OR8G1: variants seen among roughly 807,000 people sequenced by gnomAD.
OR8G1 encodes olfactory receptor 8G1.
For missense variants in OR8G1, 372 were observed against 356.2 expected (o/e 1.04, Z -0.36); for synonymous variants, 129 against 133.3 (o/e 0.97, Z 0.22).
intron 1 of OR8G1, among the ~76,000 whole-genome samples, chr11:124,243,503 A>G (rs1162252289): frequency 6.6e-6 from 1 of 151,988 alleles, no homozygotes; most frequent in Non-Finnish European, 1.5e-5. Flanking sequence ...TAATTGACAC[A>G]TCATCCCTTA....
intron 1 of OR8G1, among the ~76,000 whole-genome samples, chr11:124,242,953 T>C (rs1489009000): frequency 6.6e-6 from 1 of 152,002 alleles, no homozygotes; most frequent in Non-Finnish European, 1.5e-5. Flanking sequence ...AGGGTGTGTG[T>C]AGACCATACC....
intron 2 of OR8G1, among the ~76,000 whole-genome samples, chr11:124,249,328 G>A (rs2512238): frequency 6.6e-6 from 1 of 151,680 alleles, no homozygotes; most frequent in East Asian, 1.9e-4. Flanking sequence ...TCTCCAAGTT[G>A]TCATGAGTTC....
rs4323881 is a variant in OR8G1 at position 124,245,283 on chromosome 11, C to T, written c.-96-2518C>T. ...TGCGGTGTTTGGTTTTTTGTTCTTG[C>T]GATAGTTTACTAAGAATGATGATTT... On this transcript the variant is annotated intron_variant, in intron 1 of 2. Transcript: ENST00000641972. Among the ~76,000 whole-genome samples the T allele has an allele frequency of 8.6e-3, 1,172 of 135,874 alleles. 6 individuals carry two copies. Among genetic ancestry groups the T allele is most frequent in the African/African-American group, 0.016 (579 of 35,558 alleles). The allele number at this position is 135,874 out of a possible 152,430, so 89.1% of individuals were successfully genotyped here.
chr11:124,248,384 G>A (rs886361911), intron 2 of OR8G1, among the ~76,000 whole-genome samples: 1 of 151,030 alleles, frequency 6.6e-6, no homozygotes, highest in African/African-American at 2.4e-5. Context: ...GTTTGCTTTG[G>A]GTTTTGTTTA....
chr11:124,242,386 C>T (rs1861769661), intron 1 of OR8G1, among the ~76,000 whole-genome samples: 1 of 152,016 alleles, frequency 6.6e-6, no homozygotes, highest in Non-Finnish European at 1.5e-5. Flanking sequence ...ATGGTGCTTT[C>T]TAACCTCATG....
chr11:124,249,322 C>CA (rs1861840400), intron 2 of OR8G1, among the ~76,000 whole-genome samples: 3 of 151,896 alleles, frequency 2.0e-5, no homozygotes, highest in Non-Finnish European at 4.4e-5. Context: ...TTGTTCTCTC[C>CA]AAGTTGTCAT....
At chr11:124,241,454 A>G (rs1861759581) in intron 1 of OR8G1, 90 bp downstream of exon 1, 1 of 152,116 alleles carries the variant, frequency 6.6e-6, no homozygotes, top group African/African-American at 2.4e-5. Context: ...ATTCCTCATT[A>G]TCTTTACTTA....
At chr11:124,244,069 AGG>A (rs1861787773) in intron 1 of OR8G1, among the ~76,000 whole-genome samples, 2 of 143,884 alleles carry the variant, frequency 1.4e-5, no homozygotes, top group Non-Finnish European at 3.1e-5. Context: ...AAGGATGGAG[AGG>A]GAGAGAGAGA....
rs1203607084 is a variant in OR8G1, at chr11:124,254,102, T to C, written c.*3491T>C. 1 of 152,210 alleles carries C rather than the reference T, an allele frequency of 6.6e-6. No individual in the cohort carries two copies. The allele number at this position is 152,210 out of a possible 1,614,324, so 9.4% of individuals were successfully genotyped here. Reference sequence around the variant, plus strand: ...ATATGGTAGTTCAATTTTTAATTTTTTGAGGAAGCTTTATGCTGTTTTCCA... The same window carrying C: ...ATATGGTAGTTCAATTTTTAATTTTCTGAGGAAGCTTTATGCTGTTTTCCA... On this transcript the variant is annotated 3_prime_UTR_variant, in exon 3 of 3. Coordinates refer to ENST00000641972, the MANE Select transcript of OR8G1 (RefSeq NM_001002905.2).
At chr11:124,248,466 G>T (rs1011979370) in intron 2 of OR8G1, among the ~76,000 whole-genome samples, 1 of 151,518 alleles carries the variant, frequency 6.6e-6, no homozygotes, top group African/African-American at 2.4e-5. Flanking sequence ...AATTTCTCTA[G>T]CATTTTCTTC....
At chr11:124,243,583 T>C (rs1044946739) in intron 1 of OR8G1, among the ~76,000 whole-genome samples, 1 of 151,988 alleles carries the variant, frequency 6.6e-6, no homozygotes, top group African/African-American at 2.4e-5. Context: ...CACAGTCCTG[T>C]TGGGTTGTAT....
chr11:124,242,301 C>T (rs1861768675), intron 1 of OR8G1, among the ~76,000 whole-genome samples: 1 of 152,002 alleles, frequency 6.6e-6, no homozygotes, highest in African/African-American at 2.4e-5. Context: ...TGCCTTCCAT[C>T]TTATCAATGT....
chr11:124,249,556 G>C, intron 2 of OR8G1, 104 bp from the exon 3 acceptor site: 3 of 1,093,352 alleles, frequency 2.7e-6, no homozygotes, highest in Non-Finnish European at 3.8e-6. Flanking sequence ...ACTCAAAGGG[G>C]ATACCTAAAG....
chr11:124,245,752 C>A (rs1388426129), intron 1 of OR8G1, among the ~76,000 whole-genome samples: 14 of 142,402 alleles, frequency 9.8e-5, no homozygotes, highest in Non-Finnish European at 2.0e-4. Context: ...ATTTGCATTT[C>A]TCTGATGGCC....
intron 2 of OR8G1, among the ~76,000 whole-genome samples, chr11:124,248,113 T>G (rs1293968454): frequency 6.6e-6 from 1 of 151,990 alleles, no homozygotes; most frequent in Non-Finnish European, 1.5e-5. Context: ...CTTTGATGAC[T>G]GACATTGAGC....
In OR8G1 at chr11:124,250,183, A is replaced by G. The variant is rs759469258; in HGVS notation, c.508A>G (p.Lys170Glu). Residue 170 changes from lysine (K) to glutamate (E), a missense_variant, in exon 3 of 3, where the codon AAA becomes GAA. By Grantham distance (56) the Lys-to-Glu change is moderately conservative (BLOSUM62 1). Transcript: ENST00000641972. The stretch of plus-strand genomic sequence containing the variant: ...CTGTATGTTTAGGGTTCAATTCTGC[A>G]AATTTGATTTGATTAACCATTATTT... The part of the protein sequence containing the change: ...TGCMFRVQFC[K>E]FDLINHYFCD... 2 of 1,613,764 alleles carry G rather than the reference A, an allele frequency of 1.2e-6. No homozygotes were observed. Among genetic ancestry groups the G allele is most frequent in the Non-Finnish European group, 1.7e-6 (2 of 1,179,834 alleles).
At chr11:124,244,683 A>G (rs1485275053) in intron 1 of OR8G1, among the ~76,000 whole-genome samples, 1 of 151,938 alleles carries the variant, frequency 6.6e-6, no homozygotes, top group Non-Finnish European at 1.5e-5. Context: ...AGAAAATGGT[A>G]TGGAGTGTGA....
chr11:124,245,410 A>G (rs1565315330), intron 1 of OR8G1, among the ~76,000 whole-genome samples: 1 of 151,064 alleles, frequency 6.6e-6, no homozygotes, highest in Non-Finnish European at 1.5e-5. Context: ...AATCCAGTCT[A>G]TCATTGTTGG....
chr11:124,246,228 C>A (rs943356749), intron 1 of OR8G1, among the ~76,000 whole-genome samples: 2 of 151,792 alleles, frequency 1.3e-5, no homozygotes, highest in Non-Finnish European at 2.9e-5. Context: ...TCTTTAATTT[C>A]TCTCAGAAAT....
Sources: gnomAD v4.1 joint callset for allele counts (sites outside exome capture counted in the v4.1 genomes callset) on GRCh38, gnomAD v4.1.1 for gene constraint, MANE v1.5 for transcripts, NCBI Gene and HGNC (gene_info 2026-07-23, HGNC 2026-07-21) for gene names.